Variants in NEURL4 observed in about 807,000 individuals in gnomAD.
The protein encoded by NEURL4 is neuralized E3 ubiquitin protein ligase 4.
Under a neutral mutation model 148.0 loss-of-function variants are expected in NEURL4, and 45 were observed. The ratio of observed to expected loss-of-function variants is 0.30; its 90% CI spans 0.24 to 0.39. The LOEUF (loss-of-function observed/expected upper bound fraction) is 0.39. Ranked by LOEUF, NEURL4 falls within the 10% of genes least tolerant of loss-of-function variation. NEURL4 has a pLI of 1.00. For synonymous variants in NEURL4, 854 were observed against 869.0 expected (o/e 0.98, Z 0.30); for missense variants, 1,776 against 2,144.0 (o/e 0.83, Z 3.39).
In NEURL4 at chr17:7,324,664, G is replaced by C; in HGVS notation, c.1813+135C>G. The C allele has an allele frequency of 9.0e-7, 1 of 1,110,290 alleles. No individual in the cohort carries two copies. The highest frequency in any genetic ancestry group is 1.4e-5 in the South Asian group (1 of 69,856). The allele number at this position is 1,110,290 out of a possible 1,614,324, so 68.8% of individuals were successfully genotyped here. On this transcript the variant is annotated intron_variant, in intron 9 of 28. Coordinates refer to ENST00000399464, the MANE Select transcript of NEURL4 (RefSeq NM_032442.3). The surrounding 1 kb of genome is among the most constrained non-coding windows in gnomAD (Gnocchi z 5.9). ...CCAAGACAGCCACAGCCCTGCCCAC[G>C]GGACACTCTCTAGCCACTGAATGAG...
Position 7,329,279 on chromosome 17 carries a change from C to T in NEURL4, c.34G>A (p.Gly12Arg). 1 of 1,445,626 alleles carries T rather than the reference C, an allele frequency of 6.9e-7. No individual in the cohort carries two copies. Among genetic ancestry groups the T allele is most frequent in the Non-Finnish European group, 9.0e-7 (1 of 1,106,710 alleles). 89.5% of individuals were successfully genotyped at this position (1,445,626 alleles called of 1,614,324 possible). Residue 12 changes from glycine (G) to arginine (R), a missense_variant, in exon 1 of 29, where the codon GGG becomes AGG. Transcript: ENST00000399464. ...AAGSGGSGGS[G>R]GGPGPGPGGG... ...CCCGGCCCCGGTCCAGGGCCTCCCCCAGAGCCCCCACTCCCACCCGACCCT... is the reference window on the plus strand; with the variant it reads ...CCCGGCCCCGGTCCAGGGCCTCCCCTAGAGCCCCCACTCCCACCCGACCCT...
chr17:7,320,541 C>T (rs1411712022), intron 21 of NEURL4, among the ~76,000 whole-genome samples: 2 of 152,194 alleles, frequency 1.3e-5, no homozygotes, highest in African/African-American at 4.8e-5. Flanking sequence ...CTCTTGGACT[C>T]CTCCAGCCTG....
chr17:7,325,590 C>T, intron 7 of NEURL4, 51 bp downstream of exon 7: 1 of 1,595,820 alleles, frequency 6.3e-7, no homozygotes, highest in Non-Finnish European at 8.6e-7. Context: ...GCCCCCAGTC[C>T]CAGCCCCACC....
chr17:7,319,304 T>C (rs1454747703), intron 21 of NEURL4, 96 bp from the exon 22 acceptor site: 1 of 978,198 alleles, frequency 1.0e-6, no homozygotes, highest in Non-Finnish European at 1.4e-6. Flanking sequence ...TCCCAGAATG[T>C]GGCCTGGGAT....
chr17:7,324,794 C>T lies in NEURL4; in HGVS notation c.1813+5G>A, dbSNP rs1567622149. ...ATCCTGTCCCTGCCCTTCCTGGGAG[C>T]TCACCAGAGCGCAAGTTGGTCATGG... On this transcript the variant is annotated splice_donor_5th_base_variant and intron_variant, in intron 9 of 28. Transcript: ENST00000399464. The surrounding 1 kb of genome is among the most constrained non-coding windows in gnomAD (Gnocchi z 5.9). The T allele has an allele frequency of 6.2e-7, 1 of 1,614,070 alleles. No homozygotes were observed. Among genetic ancestry groups the T allele is most frequent in the Admixed American group, 1.7e-5 (1 of 60,030 alleles).
Position 7,321,445 on chromosome 17 carries a change from C to G in NEURL4, c.3114G>C (p.Val1038=). ...TGTCATCTGCCCCCCGACGAACACC[C>G]ACACGGCTCCCCACCTAGGACCGAG... The part of the protein sequence containing the change: ...NLERLGVGSR[V]GVRRGADDTM... Residue 1038 remains valine, a synonymous_variant, in exon 19 of 29, where the codon GTG becomes GTC. Coordinates refer to ENST00000399464, the MANE Select transcript of NEURL4 (RefSeq NM_032442.3). The surrounding 1 kb of genome is among the most constrained non-coding windows in gnomAD (Gnocchi z 6.3). 6.2e-7 allele frequency: 1 copy of G among 1,614,140 alleles called. No homozygotes were observed. The highest frequency in any genetic ancestry group is 1.1e-5 in the South Asian group (1 of 91,086).
In NEURL4 at chr17:7,318,152, A is replaced by G; in HGVS notation, c.3973T>C (p.Trp1325Arg). ...GGACTAGCGGCAGGTGGTGGACCCC[A>G]GCACACACTCTCTTTGATACCTGAG... is the stretch of plus-strand genomic sequence containing the variant. ...MVDGIKESVC[W>R]GPPPAASPLK... Residue 1325 changes from tryptophan to arginine, a missense_variant, in exon 25 of 29, where the codon TGG becomes CGG. Coordinates refer to ENST00000399464, the MANE Select transcript of NEURL4 (RefSeq NM_032442.3). The surrounding 1 kb of genome is among the most constrained non-coding windows in gnomAD (Gnocchi z 4.3). 1.2e-6 allele frequency: 2 copies of G among 1,614,156 alleles called. No individual in the cohort carries two copies. Among genetic ancestry groups the G allele is most frequent in the Non-Finnish European group, 8.5e-7 (1 of 1,180,014 alleles).
rs1392048372 is a variant in NEURL4 at position 7,329,088 on chromosome 17, C to T, written c.225G>A (p.Val75=). Residue 75 remains valine (V), a synonymous_variant, in exon 1 of 29, where the codon GTG becomes GTA. Coordinates refer to ENST00000399464, the MANE Select transcript of NEURL4 (RefSeq NM_032442.3). ...CATCGCGCAAGGGTTCTCGGCTCAA[C>T]ACCAGCCCGTGGTTAAACTCCTGGC... ...QPGQEFNHGL[V]LSREPLRDGR... is the part of the protein sequence containing the mutation. 3 of 1,610,028 alleles carry T rather than the reference C, an allele frequency of 1.9e-6. No individual in the cohort carries two copies. The highest frequency in any genetic ancestry group is 2.5e-6 in the Non-Finnish European group (3 of 1,178,960).
chr17:7,328,463 G>A (rs948516792), intron 1 of NEURL4, among the ~76,000 whole-genome samples: 2 of 152,180 alleles, frequency 1.3e-5, no homozygotes, highest in African/African-American at 4.8e-5. Flanking sequence ...GAGTGCAATG[G>A]CATGATCTCA....
chr17:7,328,655 G>A (rs1234001091), intron 1 of NEURL4, among the ~76,000 whole-genome samples: 3 of 152,074 alleles, frequency 2.0e-5, no homozygotes, highest in African/African-American at 7.2e-5. Context: ...CGCCCGCCTC[G>A]GACTCCCAAA....
At position 7,326,232 on chromosome 17, in the gene NEURL4, AG is replaced by A. The variant is rs1429866752; in HGVS notation, c.1293+22del. 5 of 1,611,214 alleles carry A rather than the reference AG, an allele frequency of 3.1e-6. No individual in the cohort carries two copies. Among genetic ancestry groups the A allele is most frequent in the Non-Finnish European group, 4.2e-6 (5 of 1,178,026 alleles). On this transcript the variant is annotated intron_variant, in intron 6 of 28. Coordinates refer to ENST00000399464, the MANE Select transcript of NEURL4 (RefSeq NM_032442.3). The surrounding 1 kb of genome is among the most constrained non-coding windows in gnomAD (Gnocchi z 6.0). ...CCTGTGGCTCTGCTGAAAGCGGCCC[AG>A]GGATCTGTGCCCCACCCTCACCTGC...
rs201759137 is a variant in NEURL4 at position 7,317,500 on chromosome 17, C to T, written c.4279G>A (p.Ala1427Thr). The change falls in exon 27 of 29, where the codon GCT (alanine) becomes ACT (threonine). Residue 1427 changes from alanine (A) to threonine (T), a missense_variant. Physicochemically the swap from Ala to Thr is moderately conservative, Grantham distance 58. Coordinates refer to ENST00000399464, the MANE Select transcript of NEURL4 (RefSeq NM_032442.3). ...HMAYHGSNVA[A>T]VRRVLDRGEL... is the part of the protein sequence containing the mutation. ...CCTCGGTCCAGCACTCTCCGTACAG[C>T]GGCAACATTGCTCCCGTGATATGCC... The T allele has an allele frequency of 2.5e-6, 4 of 1,614,064 alleles. No individual in the cohort carries two copies. Among genetic ancestry groups the T allele is most frequent in the East Asian group, 2.2e-5 (1 of 44,892 alleles).
Position 7,324,974 on chromosome 17 carries a change from G to C in NEURL4, c.1638C>G (p.Thr546=). The change falls in exon 9 of 29, where the codon ACC becomes ACG. Residue 546 remains threonine (T), a synonymous_variant. Transcript: ENST00000399464. The surrounding 1 kb of genome is among the most constrained non-coding windows in gnomAD (Gnocchi z 5.9). ...EGRTALRPHA[T]DDFNHGVVLS... Reference sequence around the variant, plus strand: ...GCACCACGCCGTGATTGAAGTCATCGGTGGCACTGAGGGCACAGCAAGTGG... The same window carrying C: ...GCACCACGCCGTGATTGAAGTCATCCGTGGCACTGAGGGCACAGCAAGTGG... 6.2e-7 allele frequency: 1 copy of C among 1,613,948 alleles called. No individual in the cohort carries two copies.
rs1198952040 is a variant in NEURL4, at chr17:7,318,891, G to A, written c.3684+159C>T. Reference sequence around the variant, plus strand: ...ACACCGCAGGAAGCAGCAGGCCTAAGACTGACCAGGCAATGCTACTCGCCC... The same window carrying A: ...ACACCGCAGGAAGCAGCAGGCCTAAAACTGACCAGGCAATGCTACTCGCCC... On this transcript the variant is annotated intron_variant, in intron 22 of 28. Coordinates refer to ENST00000399464, the MANE Select transcript of NEURL4 (RefSeq NM_032442.3). This position sits in a 1 kb window ranked among gnomAD's most constrained non-coding sequence, Gnocchi z 4.3. The A allele has an allele frequency of 2.1e-6, 2 of 953,116 alleles. No homozygotes were observed. Among genetic ancestry groups the A allele is most frequent in the East Asian group, 2.6e-5 (1 of 38,558 alleles). 59.0% of individuals were successfully genotyped at this position (953,116 alleles called of 1,614,324 possible). A position where few individuals can be genotyped will look rare whatever the true frequency, so the allele number is the denominator to read the frequency against.
chr17:7,321,098 C>A lies in NEURL4; in HGVS notation c.3360+14G>T, dbSNP rs1205959364. ...CCATCCATGTGCACAGCAGACCATG[C>A]TGCAGCCTCTTACTCCCAGGCCATG... On this transcript the variant is annotated intron_variant, in intron 20 of 28. Transcript: ENST00000399464. The surrounding 1 kb of genome is among the most constrained non-coding windows in gnomAD (Gnocchi z 6.3). 3 of 1,612,212 alleles carry A rather than the reference C, an allele frequency of 1.9e-6. No homozygotes were observed. Among genetic ancestry groups the A allele is most frequent in the Middle Eastern group, 3.4e-4 (2 of 5,938 alleles).
At position 7,316,103 on chromosome 17, in the gene NEURL4, T is replaced by C; in HGVS notation, c.*20A>G. 2.4e-6 allele frequency: 3 copies of C among 1,242,346 alleles called. No individual in the cohort carries two copies. The highest frequency in any genetic ancestry group is 1.2e-5 in the South Asian group (1 of 83,648). The allele number at this position is 1,242,346 out of a possible 1,614,324, so 77.0% of individuals were successfully genotyped here. Reference sequence around the variant, plus strand: ...TGGGCCCGCGGCCCGACTGTGCTTGTAGTAGTGGTGTCTCACCCCTCATTC... The same window carrying C: ...TGGGCCCGCGGCCCGACTGTGCTTGCAGTAGTGGTGTCTCACCCCTCATTC... On this transcript the variant is annotated 3_prime_UTR_variant, in exon 29 of 29. Coordinates refer to ENST00000399464, the MANE Select transcript of NEURL4 (RefSeq NM_032442.3).
chr17:7,320,622 G>GC lies in NEURL4; in HGVS notation c.3525+136dup. 5.5e-6 allele frequency: 4 copies of GC among 721,870 alleles called. No homozygotes were observed. The South Asian group carries it at 7.6e-5, about 14-fold the overall frequency. The allele number at this position is 721,870 out of a possible 1,614,324, so 44.7% of individuals were successfully genotyped here. ...AACTGACTGATGACCCTCATTACAG[G>GC]CTATGAATAAAAGCCTAGGAAGCTC... On this transcript the variant is annotated intron_variant, in intron 21 of 28. Coordinates refer to ENST00000399464, the MANE Select transcript of NEURL4 (RefSeq NM_032442.3).
intron 21 of NEURL4, among the ~76,000 whole-genome samples, chr17:7,319,530 G>A (rs1187393649): frequency 2.6e-5 from 4 of 151,102 alleles, no homozygotes; most frequent in Non-Finnish European, 2.9e-5. Flanking sequence ...GTGAAACTCC[G>A]TCTCTACTAA....
chr17:7,325,423 A>C lies in NEURL4; in HGVS notation c.1417T>G (p.Tyr473Asp). ...ATGGTCACCTTCACTGCCATCCCGTACAAGTCCACCACACCATACACCACT... is the reference window on the plus strand; with the variant it reads ...ATGGTCACCTTCACTGCCATCCCGTCCAAGTCCACCACACCATACACCACT... ...PPVVYGVVDL[Y>D]GMAVKVTIVH... Residue 473 changes from tyrosine (Y) to aspartate (D), a missense_variant, in exon 8 of 29, where the codon TAC (tyrosine) becomes GAC (aspartate). Tyr to Asp is a radical substitution (Grantham distance 160). Transcript: ENST00000399464. The C allele has an allele frequency of 6.2e-7, 1 of 1,612,958 alleles. No individual in the cohort carries two copies. The highest frequency in any genetic ancestry group is 2.2e-5 in the East Asian group (1 of 44,888).
Sources: gnomAD v4.1 joint callset for allele counts (sites outside exome capture counted in the v4.1 genomes callset) on GRCh38, gnomAD v4.1.1 for gene constraint, Gnocchi (gnomAD v3.1) non-coding constraint, MANE v1.5 for transcripts, NCBI Gene and HGNC (gene_info 2026-07-23, HGNC 2026-07-21) for gene names.